Variants in CNTNAP2 observed in about 807,000 individuals in gnomAD.
CNTNAP2 encodes the protein contactin associated protein 2, also known as contactin-associated protein-like 2.
Under a neutral mutation model 155.2 loss-of-function variants are expected in CNTNAP2, and 98 were observed. The ratio of observed to expected loss-of-function variants is 0.63; its 90% CI spans 0.54 to 0.75. The LOEUF (loss-of-function observed/expected upper bound fraction) is 0.75. CNTNAP2 is among the 30% of genes least tolerant of loss of function. The pLI is 0.00. For missense variants in CNTNAP2, 1,727 were observed against 1,688.1 expected (o/e 1.02, Z -0.40); for synonymous variants, 651 against 631.2 (o/e 1.03, Z -0.47).
rs117963505 is a variant in CNTNAP2 at position 147,557,189 on chromosome 7, G to A, written c.1778-4949G>A. Among the ~76,000 whole-genome samples, 936 of 152,054 alleles carry A rather than the reference G, an allele frequency of 6.2e-3. 12 individuals are homozygous for A. The highest frequency in any genetic ancestry group is 0.024 in the Admixed American group (362 of 15,274). ...TAACGCAAGAGGATCGCTTGAACCC[G>A]GGAGGCAAAGATTGCAGTGAGCCGA... On this transcript the variant is annotated intron_variant, in intron 11 of 23. Coordinates refer to ENST00000361727, the MANE Select transcript of CNTNAP2 (RefSeq NM_014141.6).
At chr7:146,384,792 G>A (rs1318056505) in intron 1 of CNTNAP2, among the ~76,000 whole-genome samples, 1 of 152,104 alleles carries the variant, frequency 6.6e-6, no homozygotes, top group African/African-American at 2.4e-5. Flanking sequence ...TTTGTCTTCT[G>A]AAAGGCCTTT....
chr7:148,055,379 C>G (rs1415188928), intron 15 of CNTNAP2, among the ~76,000 whole-genome samples: 3 of 152,174 alleles, frequency 2.0e-5, no homozygotes, highest in African/African-American at 7.2e-5. Context: ...CTTCTGTTTT[C>G]TAAGGCAGGA....
intron 10 of CNTNAP2, among the ~76,000 whole-genome samples, chr7:147,436,781 ACTT>A (rs1797554272): frequency 6.6e-6 from 1 of 152,178 alleles, no homozygotes; most frequent in Non-Finnish European, 1.5e-5. Context: ...TAGTTTTACA[ACTT>A]AGAGCAAGGC....
At chr7:147,481,490 A>G (rs1412157542) in intron 10 of CNTNAP2, among the ~76,000 whole-genome samples, 2 of 152,238 alleles carry the variant, frequency 1.3e-5, no homozygotes, top group African/African-American at 4.8e-5. Context: ...TGCAACATCC[A>G]TCTAACCAGC....
chr7:146,538,438 A>G (rs1041798841), intron 1 of CNTNAP2, among the ~76,000 whole-genome samples: 1 of 152,040 alleles, frequency 6.6e-6, no homozygotes, highest in Non-Finnish European at 1.5e-5. Flanking sequence ...AGCAGTTTCT[A>G]TCACATAAAT....
intron 1 of CNTNAP2, among the ~76,000 whole-genome samples, chr7:146,223,053 C>T (rs1799234438): frequency 6.6e-6 from 1 of 152,066 alleles, no homozygotes; most frequent in Admixed American, 6.5e-5. Flanking sequence ...CTATATGTGC[C>T]AGGCACTGTT....
intron 1 of CNTNAP2, among the ~76,000 whole-genome samples, chr7:146,543,128 TG>T (rs1393736716): frequency 6.6e-6 from 1 of 151,958 alleles, no homozygotes; most frequent in Non-Finnish European, 1.5e-5. Flanking sequence ...ATGCAACCAT[TG>T]CACTATACAT....
chr7:147,206,841 C>T (rs1426017188), intron 8 of CNTNAP2, among the ~76,000 whole-genome samples: 1 of 152,064 alleles, frequency 6.6e-6, no homozygotes, highest in East Asian at 1.9e-4. Flanking sequence ...CGGATTTTCT[C>T]AGAAGACCAC....
In CNTNAP2 at chr7:148,417,735, T is replaced by G. The variant is rs959675885; in HGVS notation, c.*2119T>G. 1.3e-5 allele frequency: 2 copies of G among 152,232 alleles called. No individual in the cohort carries two copies. Among genetic ancestry groups the G allele is most frequent in the Non-Finnish European group, 2.9e-5 (2 of 68,038 alleles). The allele number at this position is 152,232 out of a possible 1,614,324, so 9.4% of individuals were successfully genotyped here. A position where few individuals can be genotyped will look rare whatever the true frequency, so the allele number is the denominator to read the frequency against. The stretch of plus-strand genomic sequence containing the variant: ...AGGTATTACTTCTGCACTTACCAAA[T>G]AATGCCAGATGGAAATTTATTATTT... On this transcript the variant is annotated 3_prime_UTR_variant, in exon 24 of 24. Transcript: ENST00000361727.
intron 12 of CNTNAP2, among the ~76,000 whole-genome samples, chr7:147,570,046 G>C (rs905511048): frequency 3.3e-5 from 5 of 152,206 alleles, no homozygotes; most frequent in Non-Finnish European, 5.9e-5. Context: ...GGCTCTGCCT[G>C]TCCAGGAGGA....
intron 15 of CNTNAP2, among the ~76,000 whole-genome samples, chr7:148,030,852 C>T (rs938329266): frequency 4.6e-5 from 7 of 152,052 alleles, no homozygotes; most frequent in South Asian, 2.1e-4. Flanking sequence ...TCTGGGAGAG[C>T]AGTTTCATCT....
At chr7:148,271,075 G>A (rs1162916624) in intron 21 of CNTNAP2, among the ~76,000 whole-genome samples, 1 of 152,154 alleles carries the variant, frequency 6.6e-6, no homozygotes, top group African/African-American at 2.4e-5. Context: ...AACGTCTTAA[G>A]ACATACACAA....
Position 146,673,528 on chromosome 7 carries a change from A to G in CNTNAP2, c.98-100743A>G, listed in dbSNP as rs557737194. Among the ~76,000 whole-genome samples the G allele has an allele frequency of 1.4e-4, 22 of 152,320 alleles. No individual in the cohort carries two copies. The South Asian group carries it at 3.1e-3, about 22-fold the overall frequency. On this transcript the variant is annotated intron_variant, in intron 1 of 23. Transcript: ENST00000361727. ...ACCTAACTGGATGTGTAAACAGAGT[A>G]TAGCCTACTCTTGTAACAAGTAGCC... is the stretch of plus-strand genomic sequence containing the variant.
chr7:146,582,306 A>G (rs1798623912), intron 1 of CNTNAP2, among the ~76,000 whole-genome samples: 1 of 152,116 alleles, frequency 6.6e-6, no homozygotes, highest in South Asian at 2.1e-4. Context: ...TTACTGTGCT[A>G]TATTACACAA....
chr7:146,732,583 GTTC>G (rs1209799005), intron 1 of CNTNAP2, among the ~76,000 whole-genome samples: 5 of 152,046 alleles, frequency 3.3e-5, no homozygotes, highest in African/African-American at 1.2e-4. Context: ...TACTCATGTT[GTTC>G]TTCTGTTCCA....
At position 148,061,898 on chromosome 7, in the gene CNTNAP2, G is replaced by A. The variant is rs200880549; in HGVS notation, c.2384-56220G>A. On this transcript the variant is annotated intron_variant, in intron 15 of 23. Coordinates refer to ENST00000361727, the MANE Select transcript of CNTNAP2 (RefSeq NM_014141.6). Reference sequence around the variant, plus strand: ...ACAGATATAGATAGATAGATAGATAGATAGATAGATAGATAAACAGATATA... The same window carrying A: ...ACAGATATAGATAGATAGATAGATAAATAGATAGATAGATAAACAGATATA... Among the ~76,000 whole-genome samples the A allele has an allele frequency of 3.1e-3, 377 of 123,372 alleles. 6 individuals carry two copies. The highest frequency in any genetic ancestry group is 0.012 in the East Asian group (39 of 3,332). 80.9% of individuals were successfully genotyped at this position (123,372 alleles called of 152,430 possible). A position where few individuals can be genotyped will look rare whatever the true frequency, so the allele number is the denominator to read the frequency against.
At chr7:146,748,387 C>T (rs1169907379) in intron 1 of CNTNAP2, among the ~76,000 whole-genome samples, 1 of 151,962 alleles carries the variant, frequency 6.6e-6, no homozygotes, top group African/African-American at 2.4e-5. Context: ...CCTCATGATC[C>T]GCCCTCCTTG....
At chr7:146,460,635 T>G (rs116499394) in intron 1 of CNTNAP2, among the ~76,000 whole-genome samples, 1,662 of 152,318 alleles carry the variant, frequency 0.011, 27 homozygotes, top group African/African-American at 0.038. Flanking sequence ...TGAAATACTA[T>G]GCAACCTTTA....
intron 13 of CNTNAP2, among the ~76,000 whole-genome samples, chr7:147,777,561 C>T (rs988327162): frequency 6.6e-6 from 1 of 152,120 alleles, no homozygotes; most frequent in South Asian, 2.1e-4. Context: ...GCCCTGCTCC[C>T]CTTCCCTCTC....
Sources: gnomAD v4.1 joint callset for allele counts (sites outside exome capture counted in the v4.1 genomes callset) on GRCh38, gnomAD v4.1.1 for gene constraint, MANE v1.5 for transcripts, NCBI Gene and HGNC (gene_info 2026-07-23, HGNC 2026-07-21) for gene names.